MAML3: variants seen among roughly 807,000 people sequenced by gnomAD.
MAML3 encodes mastermind like transcriptional coactivator 3.
A neutral mutation model predicts 101.9 loss-of-function variants in MAML3; 27 were observed. The observed-to-expected ratio is 0.27, with a 90% confidence interval of 0.20 to 0.37. The LOEUF is 0.37. Among genes scored for constraint, MAML3 ranks in the 10% least tolerant of loss-of-function variants. The pLI is 1.00. For synonymous variants in MAML3, 501 were observed against 555.9 expected (o/e 0.90, Z 1.39); for missense variants, 1,316 against 1,444.9 (o/e 0.91, Z 1.45).
chr4:139,748,053 T>TA (rs34801574), intron 2 of MAML3, among the ~76,000 whole-genome samples: 10,959 of 95,386 alleles, frequency 0.11, 591 homozygotes, highest in African/African-American at 0.18. Flanking sequence ...AGACTTCGTC[T>TA]AAAAAAAAAA....
At chr4:139,800,253 G>T (rs1730580953) in intron 2 of MAML3, among the ~76,000 whole-genome samples, 2 of 152,122 alleles carry the variant, frequency 1.3e-5, no homozygotes, top group Non-Finnish European at 2.9e-5. Flanking sequence ...GTTAGAACAG[G>T]AAGAAGGCCA....
intron 1 of MAML3, among the ~76,000 whole-genome samples, chr4:140,039,922 A>G (rs1333967557): frequency 6.6e-6 from 1 of 152,162 alleles, no homozygotes; most frequent in Non-Finnish European, 1.5e-5. Context: ...TCAAAGGCCA[A>G]CTCATTTGCT....
chr4:139,909,657 T>C (rs1047531275), intron 1 of MAML3, among the ~76,000 whole-genome samples: 1 of 151,748 alleles, frequency 6.6e-6, no homozygotes, highest in African/African-American at 2.4e-5. Flanking sequence ...GCCAATATGG[T>C]GAAACCCCAT....
intron 2 of MAML3, among the ~76,000 whole-genome samples, chr4:139,748,076 A>G (rs1205376876): frequency 7.6e-6 from 1 of 131,228 alleles, no homozygotes; most frequent in African/African-American, 2.7e-5. Context: ...AAAAAAAAAA[A>G]GAATGCACAT....
At chr4:140,032,515 A>T (rs1726923834) in intron 1 of MAML3, among the ~76,000 whole-genome samples, 1 of 152,212 alleles carries the variant, frequency 6.6e-6, no homozygotes, top group Admixed American at 6.5e-5. Context: ...TTCCTCATCA[A>T]GTCTAAGCAA....
rs146225343 is a variant in MAML3, at chr4:139,844,136, T to C, written c.2079+45221A>G. 1.5e-3 allele frequency among the ~76,000 whole-genome samples: 229 copies of C among 152,350 alleles called. 1 individual carries two copies. The highest frequency in any genetic ancestry group is 2.6e-3 in the Non-Finnish European group (178 of 68,032). ...GCAGCTGCTACACCTCTGGCTCTGG[T>C]AGGACCCAGCTTGTTCCAAAACCTC... is the stretch of plus-strand genomic sequence containing the variant. On this transcript the variant is annotated intron_variant, in intron 2 of 4. Coordinates refer to ENST00000509479, the MANE Select transcript of MAML3 (RefSeq NM_018717.5).
chr4:139,985,569 T>C (rs1313802751), intron 1 of MAML3, among the ~76,000 whole-genome samples: 1 of 152,252 alleles, frequency 6.6e-6, no homozygotes, highest in Non-Finnish European at 1.5e-5. Context: ...AACTAACTTG[T>C]GAATCACTTA....
intron 1 of MAML3, among the ~76,000 whole-genome samples, chr4:139,950,276 G>A (rs1192136466): frequency 7.2e-5 from 11 of 152,074 alleles, no homozygotes; most frequent in South Asian, 2.1e-4. Context: ...TCCTGACCTC[G>A]TGATCTGCCT....
At chr4:140,092,141 G>T in intron 1 of MAML3, among the ~76,000 whole-genome samples, 1 of 135,916 alleles carries the variant, frequency 7.4e-6, no homozygotes, top group East Asian at 2.1e-4. Flanking sequence ...TAATATCAGA[G>T]GGTTAATGAA....
chr4:139,909,831 C>T (rs758000370), intron 1 of MAML3, among the ~76,000 whole-genome samples: 2 of 53,380 alleles, frequency 3.7e-5, no homozygotes, highest in Admixed American at 2.8e-4. Context: ...AGTGCGATGC[C>T]GTCTCAAAAA....
chr4:139,953,732 A>G (rs2110762580), intron 1 of MAML3, among the ~76,000 whole-genome samples: 1 of 152,382 alleles, frequency 6.6e-6, no homozygotes, highest in South Asian at 2.1e-4. Flanking sequence ...CCAGTGGTAC[A>G]AAGTGTTGAC....
intron 2 of MAML3, among the ~76,000 whole-genome samples, chr4:139,751,721 G>A (rs1172186412): frequency 6.6e-6 from 1 of 152,184 alleles, no homozygotes; most frequent in Non-Finnish European, 1.5e-5. Context: ...CCAGTGGGTA[G>A]ACCTTGTGCC....
intron 1 of MAML3, among the ~76,000 whole-genome samples, chr4:140,025,405 G>A (rs1194991501): frequency 2.0e-5 from 3 of 152,164 alleles, no homozygotes; most frequent in Non-Finnish European, 4.4e-5. Context: ...AATGGTATAT[G>A]AAGGGTCATT....
At chr4:139,990,737 A>AG (rs1220262197) in intron 1 of MAML3, among the ~76,000 whole-genome samples, 1 of 152,120 alleles carries the variant, frequency 6.6e-6, no homozygotes, top group African/African-American at 2.4e-5. Flanking sequence ...AAAAATCACA[A>AG]GCATTCTTAT....
intron 1 of MAML3, among the ~76,000 whole-genome samples, chr4:140,013,479 ACATGATAC>A (rs1292068532): frequency 6.6e-6 from 1 of 152,218 alleles, no homozygotes; most frequent in Non-Finnish European, 1.5e-5. Flanking sequence ...GTTATCTCTG[ACATGATAC>A]CACACTGTCT....
At position 139,881,902 on chromosome 4, in the gene MAML3, T is replaced by C. The variant is rs180752029; in HGVS notation, c.2079+7455A>G. ...TTTTAGTAGAGACGGGGTTTCACCA[T>C]ATTGGCCAGGATGGTCTCAACTCAA... On this transcript the variant is annotated intron_variant, in intron 2 of 4. Coordinates refer to ENST00000509479, the MANE Select transcript of MAML3 (RefSeq NM_018717.5). 4.6e-3 allele frequency among the ~76,000 whole-genome samples: 697 copies of C among 152,160 alleles called. 7 individuals are homozygous for C. The highest frequency in any genetic ancestry group is 0.016 in the African/African-American group (665 of 41,508).
chr4:139,803,117 T>C (rs34337473), intron 2 of MAML3, among the ~76,000 whole-genome samples: 3,259 of 152,200 alleles, frequency 0.021, 63 homozygotes, highest in Middle Eastern at 0.058. Context: ...CAATTTAAAA[T>C]GCAGTGACTG....
In MAML3 at chr4:139,947,830, G is replaced by T. The variant is rs145052279; in HGVS notation, c.469-56863C>A. Among the ~76,000 whole-genome samples the T allele has an allele frequency of 5.8e-3, 886 of 152,222 alleles. 10 individuals are homozygous for T. The highest frequency in any genetic ancestry group is 0.019 in the African/African-American group (805 of 41,530). On this transcript the variant is annotated intron_variant, in intron 1 of 4. Transcript: ENST00000509479. ...CTAAAAGCTACCACTTGCTGGGCATGGTGACTCACTCCTGTAATCCCAGCA... is the reference window on the plus strand; with the variant it reads ...CTAAAAGCTACCACTTGCTGGGCATTGTGACTCACTCCTGTAATCCCAGCA...
At chr4:139,897,606 G>A (rs576918122) in intron 1 of MAML3, among the ~76,000 whole-genome samples, 2 of 152,246 alleles carry the variant, frequency 1.3e-5, no homozygotes, top group South Asian at 4.1e-4. Flanking sequence ...CCCATTCAGA[G>A]TCTCAATATG....
Sources: gnomAD v4.1 joint callset for allele counts (sites outside exome capture counted in the v4.1 genomes callset) on GRCh38, gnomAD v4.1.1 for gene constraint, MANE v1.5 for transcripts, NCBI Gene and HGNC (gene_info 2026-07-23, HGNC 2026-07-21) for gene names.